CMIP: variants seen among roughly 807,000 people sequenced by gnomAD.
CMIP encodes C-Maf-inducing protein.
A neutral mutation model predicts 97.3 loss-of-function variants in CMIP; 13 were observed. That is an observed-to-expected ratio of 0.13 (90% CI 0.09 to 0.21). The LOEUF (loss-of-function observed/expected upper bound fraction) is 0.21, where lower values mean the gene tolerates loss of function less well. Among genes scored for constraint, CMIP ranks in the 10% least tolerant of loss-of-function variants. CMIP has a pLI of 1.00. For synonymous variants in CMIP, 538 were observed against 436.3 expected, an observed-to-expected ratio of 1.23 and a Z score of -2.91; for missense variants, 847 against 1,024.9, an observed-to-expected ratio of 0.83 and a Z score of 2.37.
chr16:81,648,460 A>T (rs2092390331), intron 3 of CMIP, among the ~76,000 whole-genome samples: 2 of 152,018 alleles, frequency 1.3e-5, no homozygotes, highest in Admixed American at 1.3e-4. Context: ...CTGTGGGATC[A>T]CTTTGGCCTG....
At chr16:81,528,820 A>C (rs568939929) in intron 1 of CMIP, among the ~76,000 whole-genome samples, 1 of 152,278 alleles carries the variant, frequency 6.6e-6, no homozygotes, top group Admixed American at 6.5e-5. Flanking sequence ...TACTGCCATC[A>C]TCATCTATCT....
At chr16:81,455,897 C>T (rs1308973248) in intron 1 of CMIP, among the ~76,000 whole-genome samples, 1 of 152,224 alleles carries the variant, frequency 6.6e-6, no homozygotes, top group South Asian at 2.1e-4. Context: ...TCCCATCAGG[C>T]TGGACCTCAG....
chr16:81,530,872 C>T (rs536079616), intron 1 of CMIP, among the ~76,000 whole-genome samples: 55 of 152,234 alleles, frequency 3.6e-4, no homozygotes, highest in African/African-American at 1.0e-3. Flanking sequence ...ATTTCTCTAC[C>T]GTCCCAGGGA....
chr16:81,513,754 C>G (rs899339624), intron 1 of CMIP, among the ~76,000 whole-genome samples: 20 of 152,254 alleles, frequency 1.3e-4, no homozygotes, highest in African/African-American at 4.6e-4. Context: ...AGGCATGGCC[C>G]TAGCTGGCTC....
chr16:81,523,747 G>C (rs570777452), intron 1 of CMIP, among the ~76,000 whole-genome samples: 2 of 152,340 alleles, frequency 1.3e-5, no homozygotes, highest in South Asian at 4.1e-4. Context: ...GTAGCCCCTG[G>C]TGGAGCCTCC....
chr16:81,629,339 C>G (rs1398792666), intron 3 of CMIP, among the ~76,000 whole-genome samples: 1 of 151,924 alleles, frequency 6.6e-6, no homozygotes, highest in Non-Finnish European at 1.5e-5. Context: ...ACACACTGGT[C>G]GCTGTGTCCC....
intron 1 of CMIP, among the ~76,000 whole-genome samples, chr16:81,450,471 G>C (rs932871205): frequency 3.3e-5 from 5 of 152,192 alleles, no homozygotes; most frequent in Admixed American, 6.5e-5. Flanking sequence ...TAGGGTTGCT[G>C]TAAGGATTGG....
chr16:81,685,550 C>T lies in CMIP; in HGVS notation c.1389-6225C>T, dbSNP rs555308846. ...TTTAAAGTAAAAAAAAACCTAAGTG[C>T]TCCCCTCCCTTTCATTTTTTGAGAT... is the stretch of plus-strand genomic sequence containing the variant. On this transcript the variant is annotated intron_variant, in intron 10 of 20. Transcript: ENST00000537098. Among the ~76,000 whole-genome samples the T allele has an allele frequency of 4.3e-4, 66 of 151,894 alleles. 1 individual carries two copies. Among genetic ancestry groups the T allele is most frequent in the African/African-American group, 1.6e-3 (65 of 41,432 alleles).
At chr16:81,663,010 T>G (rs1386651916) in intron 6 of CMIP, among the ~76,000 whole-genome samples, 3 of 152,076 alleles carry the variant, frequency 2.0e-5, no homozygotes, top group Non-Finnish European at 2.9e-5. Flanking sequence ...AACGCCTATG[T>G]GTACCATCTG....
At chr16:81,568,769 C>T (rs1420729161) in intron 1 of CMIP, among the ~76,000 whole-genome samples, 3 of 152,154 alleles carry the variant, frequency 2.0e-5, no homozygotes, top group African/African-American at 4.8e-5. Flanking sequence ...GACCCTTGAG[C>T]GTGGAAAAGC....
intron 1 of CMIP, among the ~76,000 whole-genome samples, chr16:81,499,572 T>TC (rs1227708470): frequency 6.6e-6 from 1 of 152,210 alleles, no homozygotes; most frequent in African/African-American, 2.4e-5. Context: ...TTCCTTGTCA[T>TC]CCATCTTCTG....
chr16:81,554,012 C>G (rs1597551242), intron 1 of CMIP, among the ~76,000 whole-genome samples: 1 of 152,222 alleles, frequency 6.6e-6, no homozygotes, highest in East Asian at 1.9e-4. Context: ...ATCAAATACT[C>G]AACAGGAAGG....
chr16:81,523,992 T>C (rs1052973754), intron 1 of CMIP, among the ~76,000 whole-genome samples: 3 of 152,240 alleles, frequency 2.0e-5, no homozygotes, highest in African/African-American at 7.2e-5. Flanking sequence ...CGTGTGTATG[T>C]GTGCCCATGG....
intron 1 of CMIP, among the ~76,000 whole-genome samples, chr16:81,605,304 G>A (rs4506892): frequency 0.27 from 40,742 of 151,978 alleles, 5,591 homozygotes; most frequent in East Asian, 0.43. Flanking sequence ...GGGGGCCAGG[G>A]GGTCCTCTGA....
intron 3 of CMIP, among the ~76,000 whole-genome samples, chr16:81,641,777 A>G (rs977795705): frequency 1.3e-5 from 2 of 152,196 alleles, no homozygotes; most frequent in Admixed American, 1.3e-4. Context: ...CCAGCCTGCA[A>G]CTGCCTTTGG....
intron 3 of CMIP, among the ~76,000 whole-genome samples, chr16:81,626,750 G>GGT (rs897586189): frequency 1.5e-5 from 2 of 130,338 alleles, no homozygotes; most frequent in African/African-American, 5.9e-5. Context: ...AGTGGGTGTG[G>GGT]GTGTGTGTGT....
At chr16:81,594,780 ATTTTTTTTTT>A (rs570057427) in intron 1 of CMIP, among the ~76,000 whole-genome samples, 6 of 115,078 alleles carry the variant, frequency 5.2e-5, no homozygotes, top group South Asian at 2.9e-4. Flanking sequence ...CGCCCAGCTA[ATTTTTTTTTT>A]TTTTTTTTTT....
chr16:81,632,214 G>A (rs1722455380), intron 3 of CMIP, among the ~76,000 whole-genome samples: 1 of 151,982 alleles, frequency 6.6e-6, no homozygotes, highest in South Asian at 2.1e-4. Flanking sequence ...TATCCCCTGC[G>A]AACATTTAAC....
intron 1 of CMIP, among the ~76,000 whole-genome samples, chr16:81,527,919 C>T (rs1305391176): frequency 6.6e-6 from 1 of 152,188 alleles, no homozygotes; most frequent in Non-Finnish European, 1.5e-5. Context: ...GGAATGTGTG[C>T]ATGAAATTCT....
Sources: gnomAD v4.1 joint callset for allele counts (sites outside exome capture counted in the v4.1 genomes callset) on GRCh38, gnomAD v4.1.1 for gene constraint, MANE v1.5 for transcripts, NCBI Gene and HGNC (gene_info 2026-07-23, HGNC 2026-07-21) for gene names.